Variants in PCED1B observed in about 807,000 individuals in gnomAD.
PCED1B encodes the protein PC-esterase domain-containing protein 1B.
For missense variants in PCED1B, 573 were observed against 573.9 expected (o/e 1.00, Z 0.02); for synonymous variants, 251 against 246.1 (o/e 1.02, Z -0.19).
Position 47,086,789 on chromosome 12 carries a change from C to T in PCED1B, c.-609+7064C>T, listed in dbSNP as rs181057169. On this transcript the variant is annotated intron_variant, in intron 1 of 3. Transcript: ENST00000546455. ...CTCAAAACTGGGGTTAATTTTGCCT[C>T]TCTGATAAATATGGATAATATTTAA... is the stretch of plus-strand genomic sequence containing the variant. Among the ~76,000 whole-genome samples the T allele has an allele frequency of 3.0e-3, 451 of 152,172 alleles. 6 individuals are homozygous for T. The highest frequency in any genetic ancestry group is 0.01 in the African/African-American group (434 of 41,496).
At chr12:47,114,690 C>T (rs563124995) in intron 2 of PCED1B, among the ~76,000 whole-genome samples, 1 of 152,312 alleles carries the variant, frequency 6.6e-6, no homozygotes, top group African/African-American at 2.4e-5. Flanking sequence ...GTTGCTGCAC[C>T]AAGCCCTCCA....
chr12:47,116,526 A>G (rs919893945), intron 2 of PCED1B, among the ~76,000 whole-genome samples: 2 of 152,206 alleles, frequency 1.3e-5, no homozygotes, highest in African/African-American at 4.8e-5. Flanking sequence ...AAACACCATC[A>G]GATAAGAAAA....
chr12:47,102,895 A>G (rs1223493590), intron 1 of PCED1B, among the ~76,000 whole-genome samples: 2 of 152,200 alleles, frequency 1.3e-5, no homozygotes, highest in African/African-American at 2.4e-5. Flanking sequence ...TTTTGCATAT[A>G]TGGTGAAGGT....
chr12:47,218,747 C>A (rs1397054697), intron 3 of PCED1B, among the ~76,000 whole-genome samples: 1 of 150,662 alleles, frequency 6.6e-6, no homozygotes, highest in East Asian at 2.0e-4. Flanking sequence ...CTCAAGCAAT[C>A]GTCCCTCCTT....
At chr12:47,196,761 G>A (rs1033113076) in intron 2 of PCED1B, among the ~76,000 whole-genome samples, 1 of 152,040 alleles carries the variant, frequency 6.6e-6, no homozygotes, top group Admixed American at 6.6e-5. Flanking sequence ...GGAGACGGAG[G>A]TTGCAGTGAG....
At chr12:47,184,143 G>A (rs1942181431) in intron 2 of PCED1B, among the ~76,000 whole-genome samples, 1 of 152,120 alleles carries the variant, frequency 6.6e-6, no homozygotes, top group Non-Finnish European at 1.5e-5. Flanking sequence ...CTCCCAAAGT[G>A]CTGGGATTGC....
intron 3 of PCED1B, among the ~76,000 whole-genome samples, chr12:47,220,334 G>T (rs1049560552): frequency 1.3e-5 from 2 of 151,996 alleles, no homozygotes; most frequent in Non-Finnish European, 2.9e-5. Flanking sequence ...ATGACACCAG[G>T]CTAATTTTTG....
At chr12:47,220,183 AT>A (rs1328471185) in intron 3 of PCED1B, among the ~76,000 whole-genome samples, 1 of 151,270 alleles carries the variant, frequency 6.6e-6, no homozygotes, top group Non-Finnish European at 1.5e-5. Context: ...TTTTTAATTT[AT>A]TTTTTGAGAC....
intron 2 of PCED1B, among the ~76,000 whole-genome samples, chr12:47,134,438 C>T (rs1388505074): frequency 6.6e-6 from 1 of 152,042 alleles, no homozygotes; most frequent in East Asian, 1.9e-4. Flanking sequence ...AACAAACAAA[C>T]ACAAAATACA....
At chr12:47,118,762 A>C (rs1157144643) in intron 2 of PCED1B, among the ~76,000 whole-genome samples, 2 of 152,118 alleles carry the variant, frequency 1.3e-5, no homozygotes, top group African/African-American at 4.8e-5. Context: ...ATGGCATTGA[A>C]TCTATAAATT....
chr12:47,194,639 C>A (rs572481670), intron 2 of PCED1B, among the ~76,000 whole-genome samples: 16 of 152,212 alleles, frequency 1.1e-4, no homozygotes, highest in Non-Finnish European at 1.9e-4. Context: ...ATATTGAGGT[C>A]TCCTGCTCTT....
At chr12:47,213,057 A>G (rs1555153800) in intron 2 of PCED1B, among the ~76,000 whole-genome samples, 1 of 152,214 alleles carries the variant, frequency 6.6e-6, no homozygotes, top group Non-Finnish European at 1.5e-5. Flanking sequence ...CATTCCATCC[A>G]TCCTGAATAG....
At chr12:47,183,304 T>C (rs1195303298) in intron 2 of PCED1B, among the ~76,000 whole-genome samples, 1 of 152,210 alleles carries the variant, frequency 6.6e-6, no homozygotes, top group Non-Finnish European at 1.5e-5. Flanking sequence ...TCTCTTGCTG[T>C]CTAGGGATGG....
intron 1 of PCED1B, among the ~76,000 whole-genome samples, chr12:47,082,906 C>T (rs546254054): frequency 6.6e-6 from 1 of 151,610 alleles, no homozygotes; most frequent in African/African-American, 2.4e-5. Context: ...CTGGCCTCTT[C>T]CACATGACAT....
intron 2 of PCED1B, among the ~76,000 whole-genome samples, chr12:47,193,324 T>A (rs1942503668): frequency 6.6e-6 from 1 of 152,144 alleles, no homozygotes; most frequent in Non-Finnish European, 1.5e-5. Flanking sequence ...AGCATCACTG[T>A]CCACTCAGAG....
At chr12:47,146,712 ATAAAG>A (rs1315024776) in intron 2 of PCED1B, among the ~76,000 whole-genome samples, 4 of 151,598 alleles carry the variant, frequency 2.6e-5, no homozygotes, top group East Asian at 1.9e-4. Context: ...TGCACACTTA[ATAAAG>A]TATAGTGTAA....
At chr12:47,128,288 C>T (rs571603705) in intron 2 of PCED1B, among the ~76,000 whole-genome samples, 1 of 152,048 alleles carries the variant, frequency 6.6e-6, no homozygotes, top group South Asian at 2.1e-4. Flanking sequence ...TTACTAGGAA[C>T]TTAAATACAT....
chr12:47,198,843 G>A (rs753247553), intron 2 of PCED1B, among the ~76,000 whole-genome samples: 3 of 152,082 alleles, frequency 2.0e-5, no homozygotes, highest in Non-Finnish European at 2.9e-5. Context: ...GCACATGCCT[G>A]TAATCCCAGC....
At position 47,100,296 on chromosome 12, in the gene PCED1B, C is replaced by A. The variant is rs149563912; in HGVS notation, c.-608-3817C>A. On this transcript the variant is annotated intron_variant, in intron 1 of 3. Coordinates refer to ENST00000546455, the MANE Select transcript of PCED1B (RefSeq NM_138371.3). ...GATCTCTATCATATTATGTTCTTGT[C>A]TTTTCTGGTACAATTGTAGGATTTA... is the stretch of plus-strand genomic sequence containing the variant. 5.0e-3 allele frequency among the ~76,000 whole-genome samples: 758 copies of A among 152,246 alleles called. 8 individuals are homozygous for A. The highest frequency in any genetic ancestry group is 0.037 in the Middle Eastern group (11 of 294).
Sources: allele counts gnomAD v4.1 joint callset (sites outside exome capture counted in the v4.1 genomes callset), GRCh38; gene constraint gnomAD v4.1.1; transcripts MANE v1.5; gene names NCBI Gene and HGNC (gene_info 2026-07-23, HGNC 2026-07-21).